FER: variants seen among roughly 807,000 people sequenced by gnomAD.
The protein encoded by FER is tyrosine-protein kinase Fer.
A neutral mutation model predicts 111.0 loss-of-function variants in FER; 63 were observed. The ratio of observed to expected loss-of-function variants is 0.57; its 90% CI spans 0.46 to 0.70. The LOEUF (loss-of-function observed/expected upper bound fraction) is 0.70, where lower values mean the gene tolerates loss of function less well. Among genes scored for constraint, FER ranks in the 30% least tolerant of loss-of-function variants. FER has a pLI of 0.00. For synonymous variants in FER, 327 were observed against 313.9 expected (o/e 1.04, Z -0.44); for missense variants, 914 against 954.0 (o/e 0.96, Z 0.55).
At chr5:108,801,237 A>G (rs915101987) in intron 3 of FER, among the ~76,000 whole-genome samples, 1 of 152,156 alleles carries the variant, frequency 6.6e-6, no homozygotes, top group African/African-American at 2.4e-5. Flanking sequence ...ATTTGTTCTA[A>G]CTTCATTTGT....
intron 16 of FER, among the ~76,000 whole-genome samples, chr5:109,081,618 C>T (rs1776992773): frequency 6.6e-6 from 1 of 151,924 alleles, no homozygotes; most frequent in Non-Finnish European, 1.5e-5. Flanking sequence ...GCTTTTTCTC[C>T]TAAGCAGTTA....
intron 17 of FER, among the ~76,000 whole-genome samples, chr5:109,140,151 C>T (rs939516195): frequency 7.2e-5 from 11 of 152,058 alleles, no homozygotes; most frequent in African/African-American, 2.7e-4. Flanking sequence ...AAAACATATG[C>T]TTATTATATT....
intron 16 of FER, among the ~76,000 whole-genome samples, chr5:109,060,890 A>G (rs72792503): frequency 0.077 from 11,649 of 151,892 alleles, 511 homozygotes; most frequent in Middle Eastern, 0.16. Context: ...GTATCATTAT[A>G]CTTCATAATT....
intron 18 of FER, among the ~76,000 whole-genome samples, chr5:109,184,187 G>A (rs749846950): frequency 6.6e-6 from 1 of 152,030 alleles, no homozygotes; most frequent in Non-Finnish European, 1.5e-5. Context: ...TTGTCACCTG[G>A]GTATTTGGGG....
intron 10 of FER, among the ~76,000 whole-genome samples, chr5:108,919,370 A>G (rs890989442): frequency 1.3e-5 from 2 of 152,036 alleles, no homozygotes; most frequent in Non-Finnish European, 2.9e-5. Flanking sequence ...ATTGTATGAA[A>G]CATGTCCTAT....
intron 17 of FER, among the ~76,000 whole-genome samples, chr5:109,146,706 G>T (rs1023565404): frequency 6.6e-6 from 1 of 151,934 alleles, no homozygotes; most frequent in Admixed American, 6.6e-5. Context: ...GTGACACATC[G>T]ATTTGAATGA....
intron 16 of FER, among the ~76,000 whole-genome samples, chr5:109,088,670 C>T (rs776059509): frequency 1.4e-4 from 22 of 152,052 alleles, no homozygotes; most frequent in Admixed American, 4.6e-4. Context: ...AATGCTCTTC[C>T]ATATGCATAA....
At chr5:108,825,039 T>G (rs1204536127) in intron 3 of FER, among the ~76,000 whole-genome samples, 2 of 151,944 alleles carry the variant, frequency 1.3e-5, no homozygotes, top group Admixed American at 6.6e-5. Flanking sequence ...AAAAAGTACT[T>G]AACAGGGTAA....
chr5:108,950,727 TA>T (rs1196089579), intron 11 of FER, among the ~76,000 whole-genome samples: 1 of 152,190 alleles, frequency 6.6e-6, no homozygotes, highest in Non-Finnish European at 1.5e-5. Flanking sequence ...CATTTTATAT[TA>T]AACATTTAGT....
chr5:109,145,112 G>A (rs1250352356), intron 17 of FER, among the ~76,000 whole-genome samples: 2 of 151,426 alleles, frequency 1.3e-5, no homozygotes, highest in Non-Finnish European at 2.9e-5. Flanking sequence ...TGTTAATAAT[G>A]CATGGCAAAC....
intron 18 of FER, among the ~76,000 whole-genome samples, chr5:109,181,913 G>A (rs769523718): frequency 2.6e-5 from 4 of 152,012 alleles, no homozygotes; most frequent in South Asian, 2.1e-4. Flanking sequence ...CCATTCTTCC[G>A]TTCCGTTGTC....
At chr5:108,812,298 C>G (rs949170013) in intron 3 of FER, among the ~76,000 whole-genome samples, 1 of 152,022 alleles carries the variant, frequency 6.6e-6, no homozygotes, top group Non-Finnish European at 1.5e-5. Flanking sequence ...TTATTTTCTC[C>G]TCATTAATTA....
chr5:109,071,619 A>G (rs1775771603), intron 16 of FER, among the ~76,000 whole-genome samples: 2 of 151,998 alleles, frequency 1.3e-5, no homozygotes, highest in Admixed American at 1.3e-4. Context: ...AGTCTATAAC[A>G]GTATACAGTC....
intron 17 of FER, among the ~76,000 whole-genome samples, chr5:109,122,701 T>G (rs1751139779): frequency 6.6e-6 from 1 of 152,196 alleles, no homozygotes; most frequent in Non-Finnish European, 1.5e-5. Flanking sequence ...TATTGGGGTC[T>G]CTTTCTTTAG....
chr5:108,859,958 T>TTA (rs1763353922), intron 5 of FER, among the ~76,000 whole-genome samples: 1 of 90,084 alleles, frequency 1.1e-5, no homozygotes, highest in African/African-American at 6.3e-5. Flanking sequence ...TATTATTATT[T>TTA]TGAGATGGAG....
chr5:109,152,821 C>A (rs940708918), intron 17 of FER, among the ~76,000 whole-genome samples: 1 of 151,880 alleles, frequency 6.6e-6, no homozygotes, highest in African/African-American at 2.4e-5. Context: ...TTATGCACTA[C>A]CTATCTTATT....
chr5:109,121,753 A>G (rs1430483421), intron 17 of FER, among the ~76,000 whole-genome samples: 3 of 152,098 alleles, frequency 2.0e-5, no homozygotes, highest in East Asian at 1.9e-4. Flanking sequence ...GCGATTTTTT[A>G]TAATGGCTTT....
chr5:108,848,541 A>G (rs1385100566), intron 5 of FER, among the ~76,000 whole-genome samples: 1 of 151,956 alleles, frequency 6.6e-6, no homozygotes, highest in Admixed American at 6.5e-5. Context: ...GTATTATGCC[A>G]CTTTGTATAT....
At chr5:109,160,143 G>A (rs919467744) in intron 17 of FER, among the ~76,000 whole-genome samples, 2 of 152,074 alleles carry the variant, frequency 1.3e-5, no homozygotes, top group Non-Finnish European at 2.9e-5. Context: ...AAGGCATCCC[G>A]AATAGATTTC....
Sources: allele counts gnomAD v4.1 joint callset (sites outside exome capture counted in the v4.1 genomes callset), GRCh38; gene constraint gnomAD v4.1.1; transcripts MANE v1.5; gene names NCBI Gene and HGNC (gene_info 2026-07-23, HGNC 2026-07-21).